CLEC16A: variants seen among roughly 807,000 people sequenced by gnomAD.
CLEC16A encodes the protein protein CLEC16A.
A neutral mutation model predicts 109.5 loss-of-function variants in CLEC16A; 51 were observed. That is an observed-to-expected ratio of 0.47 (90% CI 0.37 to 0.59). The LOEUF is 0.59. CLEC16A is among the 20% of genes least tolerant of loss of function. The pLI is 0.00. For missense variants in CLEC16A, 1,339 were observed against 1,394.0 expected (o/e 0.96, Z 0.63); for synonymous variants, 673 against 564.2 (o/e 1.19, Z -2.73).
At chr16:11,086,291 C>G (rs1397721114) in intron 19 of CLEC16A, among the ~76,000 whole-genome samples, 1 of 152,204 alleles carries the variant, frequency 6.6e-6, no homozygotes, top group Non-Finnish European at 1.5e-5. Flanking sequence ...CCACCTGGCT[C>G]AAGATCCCCA....
At chr16:11,118,575 A>G (rs1257393917) in intron 19 of CLEC16A, among the ~76,000 whole-genome samples, 1 of 152,212 alleles carries the variant, frequency 6.6e-6, no homozygotes, top group East Asian at 1.9e-4. Context: ...CAGTTTAACC[A>G]TCACAACTGT....
intron 22 of CLEC16A, among the ~76,000 whole-genome samples, chr16:11,158,635 G>A (rs543401275): frequency 3.5e-4 from 53 of 152,270 alleles, no homozygotes; most frequent in African/African-American, 1.3e-3. Context: ...AAAAACAGAG[G>A]CTGGAGACCG....
At chr16:11,125,663 A>G (rs1277386869) in intron 21 of CLEC16A, among the ~76,000 whole-genome samples, 3 of 152,198 alleles carry the variant, frequency 2.0e-5, no homozygotes, top group African/African-American at 2.4e-5. Flanking sequence ...TCCTTTACAC[A>G]TGGAAGCTGA....
At chr16:11,122,600 C>T (rs1320564794) in intron 20 of CLEC16A, among the ~76,000 whole-genome samples, 1 of 152,158 alleles carries the variant, frequency 6.6e-6, no homozygotes, top group Non-Finnish European at 1.5e-5. Context: ...GGGGTGTTAT[C>T]TCCAAAGAGC....
chr16:11,171,234 C>T (rs2068498493), intron 23 of CLEC16A, among the ~76,000 whole-genome samples: 1 of 152,188 alleles, frequency 6.6e-6, no homozygotes, highest in Admixed American at 6.5e-5. Context: ...AGGGGACAGC[C>T]CCGAGGGGTC....
At chr16:11,155,949 C>T (rs1476249951) in intron 22 of CLEC16A, among the ~76,000 whole-genome samples, 1 of 152,134 alleles carries the variant, frequency 6.6e-6, no homozygotes, top group Non-Finnish European at 1.5e-5. Flanking sequence ...GTGCCACCTC[C>T]TAGAACACAC....
chr16:11,023,821 T>G (rs1362395304), intron 12 of CLEC16A, among the ~76,000 whole-genome samples: 1 of 152,204 alleles, frequency 6.6e-6, no homozygotes, highest in Non-Finnish European at 1.5e-5. Context: ...GAAGGTGCTC[T>G]GTTCTCTTGG....
Position 11,052,049 on chromosome 16 carries a change from C to T in CLEC16A, c.1995+408C>T, listed in dbSNP as rs74663088. On this transcript the variant is annotated intron_variant, in intron 18 of 23. Transcript: ENST00000409790. ...CCCCAGAGATAGTGCGATGTTAAGG[C>T]ATCTACCTGCTCTTGGGACACAGTC... 1.5e-3 allele frequency among the ~76,000 whole-genome samples: 223 copies of T among 152,320 alleles called. 2 individuals carry two copies. In the East Asian group the frequency reaches 0.037, roughly 25 times the overall value.
At chr16:11,155,403 G>A (rs1008558666) in intron 22 of CLEC16A, among the ~76,000 whole-genome samples, 2 of 152,218 alleles carry the variant, frequency 1.3e-5, no homozygotes, top group African/African-American at 4.8e-5. Flanking sequence ...TGTAGCCAGA[G>A]TAAAAGTGAC....
At chr16:11,122,896 CTTTTT>C (rs1002354410) in intron 20 of CLEC16A, among the ~76,000 whole-genome samples, 2 of 73,772 alleles carry the variant, frequency 2.7e-5, no homozygotes, top group African/African-American at 5.8e-5. Flanking sequence ...CTATCCCTTT[CTTTTT>C]TTTTTTTTTT....
At chr16:11,095,092 T>TG (rs2050529622) in intron 19 of CLEC16A, among the ~76,000 whole-genome samples, 1 of 151,232 alleles carries the variant, frequency 6.6e-6, no homozygotes, top group Admixed American at 6.6e-5. Context: ...TCTTTTTTTT[T>TG]CTTTTTTTTT....
In CLEC16A at chr16:11,002,103, G is replaced by A. The variant is rs535494460; in HGVS notation, c.1072-971G>A. Among the ~76,000 whole-genome samples, 6 of 152,220 alleles carry A rather than the reference G, an allele frequency of 3.9e-5. No homozygotes were observed. In the East Asian group the frequency reaches 5.8e-4, roughly 15 times the overall value. ...TGGCTGGTACGTGGTTTTGAATCCC[G>A]GCTCTGCCACCTCCTGGCTGTGTGA... On this transcript the variant is annotated intron_variant, in intron 10 of 23. Coordinates refer to ENST00000409790, the MANE Select transcript of CLEC16A (RefSeq NM_015226.3).
At chr16:11,101,296 C>A (rs1343449220) in intron 19 of CLEC16A, among the ~76,000 whole-genome samples, 1 of 152,060 alleles carries the variant, frequency 6.6e-6, no homozygotes, top group Non-Finnish European at 1.5e-5. Flanking sequence ...AATAAGCCAC[C>A]CTTGTTGATG....
At position 11,178,285 on chromosome 16, in the gene CLEC16A, G is replaced by C. The variant is rs200111349; in HGVS notation, c.2807-50G>C. ...ATGGGAGCACAGGGCGCAGTGCGAC[G>C]GGGTGTCTCAAGGGCTCAGTGTGTT... On this transcript the variant is annotated intron_variant, in intron 23 of 23. Coordinates refer to ENST00000409790, the MANE Select transcript of CLEC16A (RefSeq NM_015226.3). This position sits in a 1 kb window ranked among gnomAD's most constrained non-coding sequence, Gnocchi z 6.5. 1.3e-6 allele frequency: 2 copies of C among 1,506,466 alleles called. No homozygotes were observed. Among genetic ancestry groups the C allele is most frequent in the Non-Finnish European group, 1.8e-6 (2 of 1,098,688 alleles). The allele number at this position is 1,506,466 out of a possible 1,614,324, so 93.3% of individuals were successfully genotyped here.
intron 22 of CLEC16A, among the ~76,000 whole-genome samples, chr16:11,128,685 G>A (rs1319635833): frequency 6.6e-6 from 1 of 152,194 alleles, no homozygotes; most frequent in Non-Finnish European, 1.5e-5. Context: ...CCTTGGCATG[G>A]TGGGAGCATA....
chr16:10,958,000 G>T, intron 2 of CLEC16A, 90 bp downstream of exon 2: 1 of 1,296,506 alleles, frequency 7.7e-7, no homozygotes, highest in Non-Finnish European at 1.1e-6. Context: ...GATGATGTCA[G>T]GATTTGACGC....
At chr16:11,025,370 G>T (rs1179155411) in intron 13 of CLEC16A, among the ~76,000 whole-genome samples, 1 of 152,150 alleles carries the variant, frequency 6.6e-6, no homozygotes, top group African/African-American at 2.4e-5. Flanking sequence ...TGGAAGCATA[G>T]GTTTCCTTTC....
chr16:10,998,421 G>A (rs115156228), intron 10 of CLEC16A, among the ~76,000 whole-genome samples: 6 of 152,318 alleles, frequency 3.9e-5, no homozygotes, highest in South Asian at 2.1e-4. Context: ...GGAGATGAGC[G>A]CGTGGTGAAA....
intron 22 of CLEC16A, among the ~76,000 whole-genome samples, chr16:11,136,957 C>T (rs1186678961): frequency 6.6e-6 from 1 of 152,228 alleles, no homozygotes; most frequent in Non-Finnish European, 1.5e-5. Context: ...CCCTGGTTTC[C>T]ACTCCGTGAA....
Sources: gnomAD v4.1 joint callset for allele counts (sites outside exome capture counted in the v4.1 genomes callset) on GRCh38, gnomAD v4.1.1 for gene constraint, Gnocchi (gnomAD v3.1) non-coding constraint, MANE v1.5 for transcripts, NCBI Gene and HGNC (gene_info 2026-07-23, HGNC 2026-07-21) for gene names.